The following RIMS4 variants were observed in gnomAD, a reference collection of about 807,000 sequenced individuals.
The protein encoded by RIMS4 is regulating synaptic membrane exocytosis protein 4.
RIMS4 carries 9 observed loss-of-function variants against 29.0 expected under a neutral mutation model. The ratio of observed to expected loss-of-function variants is 0.31; its 90% CI spans 0.19 to 0.54. The LOEUF is 0.54. Ranked by LOEUF, RIMS4 falls within the 20% of genes least tolerant of loss-of-function variation. RIMS4 has a pLI of 0.94. For missense variants in RIMS4, 193 were observed against 365.7 expected (o/e 0.53, Z 3.85); for synonymous variants, 130 against 152.9 (o/e 0.85, Z 1.10).
At position 44,798,154 on chromosome 20, in the gene RIMS4, C is replaced by T. The variant is rs1208836579; in HGVS notation, c.97+12021G>A. 2.0e-5 allele frequency among the ~76,000 whole-genome samples: 3 copies of T among 152,198 alleles called. No homozygotes were observed. In the South Asian group the frequency reaches 6.2e-4, roughly 32 times the overall value. On this transcript the variant is annotated intron_variant, in intron 1 of 5. Coordinates refer to ENST00000372851, the MANE Select transcript of RIMS4 (RefSeq NM_182970.4). Reference sequence around the variant, plus strand: ...ATCCTTTGTCAGACACAAAAGACTTCATGTCTGCAAGGTGCAAAGTAGAAA... The same window carrying T: ...ATCCTTTGTCAGACACAAAAGACTTTATGTCTGCAAGGTGCAAAGTAGAAA...
intron 1 of RIMS4, among the ~76,000 whole-genome samples, chr20:44,789,877 T>C (rs191598114): frequency 1.3e-5 from 2 of 152,210 alleles, no homozygotes; most frequent in East Asian, 3.9e-4. Flanking sequence ...ATGTGAAGAT[T>C]AATGGGCCCA....
At chr20:44,757,815 G>A in intron 3 of RIMS4, 44 bp from the exon 4 acceptor site, 4 of 1,534,664 alleles carry the variant, frequency 2.6e-6, no homozygotes, top group Non-Finnish European at 3.6e-6. Flanking sequence ...TGGTTCAGAA[G>A]CTCAAGCTTG....
intron 2 of RIMS4, among the ~76,000 whole-genome samples, chr20:44,764,202 C>T (rs201714167): frequency 9.9e-3 from 64 of 6,440 alleles, no homozygotes; most frequent in Non-Finnish European, 0.027. Flanking sequence ...ATCCATCCAT[C>T]CATCCATCCA....
intron 2 of RIMS4, among the ~76,000 whole-genome samples, chr20:44,766,817 G>T (rs144958621): frequency 6.6e-6 from 1 of 152,054 alleles, no homozygotes; most frequent in Non-Finnish European, 1.5e-5. Flanking sequence ...ACTTCTAACC[G>T]CCAGAGTCTG....
intron 1 of RIMS4, among the ~76,000 whole-genome samples, chr20:44,802,262 C>A (rs1055660144): frequency 1.3e-5 from 2 of 152,206 alleles, no homozygotes; most frequent in African/African-American, 2.4e-5. Context: ...TTATTCCATA[C>A]GTCCAGCTCT....
chr20:44,805,381 G>A (rs1331202649), intron 1 of RIMS4, among the ~76,000 whole-genome samples: 1 of 152,100 alleles, frequency 6.6e-6, no homozygotes, highest in Non-Finnish European at 1.5e-5. Flanking sequence ...TGAACTATGG[G>A]AACAACTGGT....
intron 1 of RIMS4, among the ~76,000 whole-genome samples, chr20:44,779,297 G>C (rs2066173651): frequency 6.6e-6 from 1 of 152,316 alleles, no homozygotes; most frequent in East Asian, 1.9e-4. Flanking sequence ...TCGCACAGTT[G>C]TAAGTGTATA....
At chr20:44,770,044 T>A (rs2066130165) in intron 2 of RIMS4, among the ~76,000 whole-genome samples, 1 of 152,204 alleles carries the variant, frequency 6.6e-6, no homozygotes, top group Non-Finnish European at 1.5e-5. Flanking sequence ...GAAAGTTTCA[T>A]CTTATTTAAT....
At chr20:44,770,641 T>C (rs2066132867) in intron 2 of RIMS4, among the ~76,000 whole-genome samples, 1 of 152,174 alleles carries the variant, frequency 6.6e-6, no homozygotes, top group Admixed American at 6.5e-5. Context: ...TCCTGCAAGC[T>C]GCACTGGTAA....
intron 2 of RIMS4, among the ~76,000 whole-genome samples, chr20:44,761,319 T>C (rs2066083991): frequency 6.6e-6 from 1 of 152,180 alleles, no homozygotes; most frequent in Non-Finnish European, 1.5e-5. Context: ...AGGTACTGCA[T>C]GGCCCCACCC....
chr20:44,780,730 C>T (rs1458959839), intron 1 of RIMS4, among the ~76,000 whole-genome samples: 1 of 152,146 alleles, frequency 6.6e-6, no homozygotes, highest in Non-Finnish European at 1.5e-5. Context: ...CAACGCAGGC[C>T]AGAGTGCAAT....
intron 1 of RIMS4, among the ~76,000 whole-genome samples, chr20:44,807,195 T>C (rs2066302715): frequency 6.6e-6 from 1 of 152,128 alleles, no homozygotes; most frequent in South Asian, 2.1e-4. Flanking sequence ...CGAGGGAAGA[T>C]GCCCCTTGAG....
chr20:44,810,514 G>A lies in RIMS4; in HGVS notation c.-243C>T, dbSNP rs1053167177. ...TGCTGGCGGCGGCGGCGGCGGCGGC[G>A]GTGGCGGCGGCGGTGGCGGCGCAGC... On this transcript the variant is annotated 5_prime_UTR_variant, in exon 1 of 6. Coordinates refer to ENST00000372851, the MANE Select transcript of RIMS4 (RefSeq NM_182970.4). Among the ~76,000 whole-genome samples the A allele has an allele frequency of 7.1e-6, 1 of 141,330 alleles. No individual in the cohort carries two copies. Among genetic ancestry groups the A allele is most frequent in the Non-Finnish European group, 1.6e-5 (1 of 64,130 alleles). 92.7% of individuals were successfully genotyped at this position (141,330 alleles called of 152,430 possible). A position where few individuals can be genotyped will look rare whatever the true frequency, so the allele number is the denominator to read the frequency against.
At chr20:44,791,128 G>T (rs1386978968) in intron 1 of RIMS4, among the ~76,000 whole-genome samples, 2 of 152,212 alleles carry the variant, frequency 1.3e-5, no homozygotes, top group Non-Finnish European at 1.5e-5. Context: ...TTACAAACTA[G>T]TATTACAGCA....
At position 44,752,704 on chromosome 20, in the gene RIMS4, A is replaced by T. The variant is rs1005395034; in HGVS notation, c.*3430T>A. On this transcript the variant is annotated 3_prime_UTR_variant, in exon 6 of 6. Coordinates refer to ENST00000372851, the MANE Select transcript of RIMS4 (RefSeq NM_182970.4). ...CAACAGGAAGGCCAGGTCTCACTGC[A>T]TCTGAAGGTTTGGGGAGGACTTGCC... 1.3e-5 allele frequency: 2 copies of T among 152,434 alleles called. No homozygotes were observed. The highest frequency in any genetic ancestry group is 2.9e-5 in the Non-Finnish European group (2 of 68,188). The allele number at this position is 152,434 out of a possible 1,614,324, so 9.4% of individuals were successfully genotyped here. A position where few individuals can be genotyped will look rare whatever the true frequency, so the allele number is the denominator to read the frequency against.
In RIMS4 at chr20:44,779,226, C is replaced by A. The variant is rs1207343545; in HGVS notation, c.98-7813G>T. Among the ~76,000 whole-genome samples, 6 of 152,200 alleles carry A rather than the reference C, an allele frequency of 3.9e-5. No homozygotes were observed. In the East Asian group the frequency reaches 1.2e-3, roughly 29 times the overall value. On this transcript the variant is annotated intron_variant, in intron 1 of 5. Coordinates refer to ENST00000372851, the MANE Select transcript of RIMS4 (RefSeq NM_182970.4). The stretch of plus-strand genomic sequence containing the variant: ...TTCTCTTATCTTCTGGAGAAAGGTG[C>A]TTTTTAAGACAACTGTTTGTTGCAG...
intron 1 of RIMS4, among the ~76,000 whole-genome samples, chr20:44,771,774 G>C (rs989785128): frequency 6.6e-6 from 1 of 152,126 alleles, no homozygotes; most frequent in Admixed American, 6.6e-5. Flanking sequence ...ATTTTGACCA[G>C]GGTTTCTTGA....
In RIMS4 at chr20:44,753,204, G is replaced by C. The variant is rs2066042354; in HGVS notation, c.*2930C>G. On this transcript the variant is annotated 3_prime_UTR_variant, in exon 6 of 6. Transcript: ENST00000372851. Reference sequence around the variant, plus strand: ...CTACAGCTTGTCCTGCCCATCTTTTGGGGGGCCATTAGGCTTCAAAGAAAG... The same window carrying C: ...CTACAGCTTGTCCTGCCCATCTTTTCGGGGGCCATTAGGCTTCAAAGAAAG... 6.5e-6 allele frequency: 1 copy of C among 152,706 alleles called. No individual in the cohort carries two copies. Among genetic ancestry groups the C allele is most frequent in the Non-Finnish European group, 1.5e-5 (1 of 68,106 alleles). The allele number at this position is 152,706 out of a possible 1,614,324, so 9.5% of individuals were successfully genotyped here.
chr20:44,794,542 A>G (rs940929676), intron 1 of RIMS4, among the ~76,000 whole-genome samples: 1 of 152,222 alleles, frequency 6.6e-6, no homozygotes, highest in Non-Finnish European at 1.5e-5. Context: ...CCAGAAATAT[A>G]AAGCCGGCAT....
Sources: gnomAD v4.1 joint callset for allele counts (sites outside exome capture counted in the v4.1 genomes callset) on GRCh38, gnomAD v4.1.1 for gene constraint, MANE v1.5 for transcripts, NCBI Gene and HGNC (gene_info 2026-07-23, HGNC 2026-07-21) for gene names.